The following TASOR variants were observed in gnomAD, a reference collection of about 807,000 sequenced individuals.
TASOR encodes the protein transcription activation suppressor, also known as protein TASOR.
A neutral mutation model predicts 178.6 loss-of-function variants in TASOR; 53 were observed. The ratio of observed to expected loss-of-function variants is 0.30; its 90% CI spans 0.24 to 0.37. The LOEUF is 0.37. Among genes scored for constraint, TASOR ranks in the 10% least tolerant of loss-of-function variants. The probability of loss-of-function intolerance (pLI) is 1.00; values close to 1 mark genes in which losing one functional copy is unlikely to be tolerated. For synonymous variants in TASOR, 713 were observed against 696.2 expected (o/e 1.02, Z -0.38); for missense variants, 1,815 against 1,971.4 (o/e 0.92, Z 1.50).
chr3:56,644,746 A>G (rs568883400), intron 14 of TASOR, among the ~76,000 whole-genome samples: 2 of 152,350 alleles, frequency 1.3e-5, no homozygotes, highest in African/African-American at 4.8e-5. Flanking sequence ...ACAAAGAGTA[A>G]CAACATTGCA....
chr3:56,678,966 C>G (rs549638214), intron 1 of TASOR, among the ~76,000 whole-genome samples: 2 of 146,804 alleles, frequency 1.4e-5, no homozygotes, highest in East Asian at 4.1e-4. Context: ...CAGCCGGGAT[C>G]GCAACACTGC....
At chr3:56,644,678 G>C (rs891275109) in intron 14 of TASOR, among the ~76,000 whole-genome samples, 2 of 142,538 alleles carry the variant, frequency 1.4e-5, no homozygotes, top group African/African-American at 5.3e-5. Flanking sequence ...ACATGATACT[G>C]AAACGGGTGC....
At position 56,669,786 on chromosome 3, in the gene TASOR, A is replaced by G; in HGVS notation, c.649T>C (p.Tyr217His). 6.5e-7 allele frequency: 1 copy of G among 1,542,322 alleles called. No homozygotes were observed. Among genetic ancestry groups the G allele is most frequent in the South Asian group, 1.2e-5 (1 of 81,396 alleles). Residue 217 changes from tyrosine (Y) to histidine (H), a missense_variant, in exon 5 of 24, where the codon TAT becomes CAT. Coordinates refer to ENST00000683822, the MANE Select transcript of TASOR (RefSeq NM_001365635.2). ...AATAAATCAGCATACCTAGAAAGATAGACACCTAGAAAAGACGGAAAAATT... is the reference window on the plus strand; with the variant it reads ...AATAAATCAGCATACCTAGAAAGATGGACACCTAGAAAAGACGGAAAAATT... The part of the protein sequence containing the change: ...TILGSPSMGV[Y>H]LSRYADLLQA...
At chr3:56,638,352 C>T (rs2077057452) in intron 17 of TASOR, among the ~76,000 whole-genome samples, 3 of 152,134 alleles carry the variant, frequency 2.0e-5, no homozygotes, top group Middle Eastern at 6.8e-3. Context: ...GGTGACAGAG[C>T]AAGCTTCCAT....
At chr3:56,653,262 C>CAAAAAAAAAAAAAA (rs1176419181) in intron 11 of TASOR, among the ~76,000 whole-genome samples, 2 of 4,964 alleles carry the variant, frequency 4.0e-4, no homozygotes, top group African/African-American at 5.8e-4. Context: ...GACTCCATCT[C>CAAAAAAAAAAAAAA]AAAAAAAAAA....
chr3:56,637,683 GAAAT>G (rs1162414233), intron 17 of TASOR, among the ~76,000 whole-genome samples: 1 of 151,198 alleles, frequency 6.6e-6, no homozygotes, highest in African/African-American at 2.4e-5. Flanking sequence ...ACTCCCAAAG[GAAAT>G]AAATAACTAC....
chr3:56,682,638 G>A (rs2031908956), intron 1 of TASOR, 38 bp downstream of exon 1: 3 of 1,379,930 alleles, frequency 2.2e-6, no homozygotes, highest in Non-Finnish European at 2.9e-6. Context: ...AGATGGAGGG[G>A]AGAGAGAGAG....
chr3:56,671,366 A>G (rs74560576), intron 3 of TASOR: 13,983 of 379,970 alleles, frequency 0.037, 331 homozygotes, highest in South Asian at 0.065. Flanking sequence ...TAAACAGAAA[A>G]GTATTATTAT....
At chr3:56,658,555 G>A (rs1368527782) in intron 11 of TASOR, among the ~76,000 whole-genome samples, 1 of 152,182 alleles carries the variant, frequency 6.6e-6, no homozygotes, top group Non-Finnish European at 1.5e-5. Flanking sequence ...TTGCATTGTA[G>A]TCAGGCTTTC....
Position 56,621,767 on chromosome 3 carries a change from G to A in TASOR, c.*1270C>T, listed in dbSNP as rs1040280255. 10 of 270,738 alleles carry A rather than the reference G, an allele frequency of 3.7e-5. No individual in the cohort carries two copies. Among genetic ancestry groups the A allele is most frequent in the African/African-American group, 2.4e-4 (10 of 41,324 alleles). The allele number at this position is 270,738 out of a possible 1,614,324, so 16.8% of individuals were successfully genotyped here. ...CTTGTATACTATGTAGTAAAATGCT[G>A]TACTTGTTCTATACAATAAAACAGA... On this transcript the variant is annotated 3_prime_UTR_variant, in exon 24 of 24. Coordinates refer to ENST00000683822, the MANE Select transcript of TASOR (RefSeq NM_001365635.2).
chr3:56,676,449 A>G lies in TASOR; in HGVS notation c.332-2724T>C, dbSNP rs1367723385. ...AGGACAAAAACATCTTATCTTTGTG[A>G]TAATTGTCCCCAATTAAACTGTGAA... On this transcript the variant is annotated intron_variant, in intron 1 of 23. Coordinates refer to ENST00000683822, the MANE Select transcript of TASOR (RefSeq NM_001365635.2). Among the ~76,000 whole-genome samples the G allele has an allele frequency of 5.3e-5, 8 of 152,340 alleles. No individual in the cohort carries two copies. In the East Asian group the frequency reaches 1.3e-3, roughly 26 times the overall value.
Position 56,623,212 on chromosome 3 carries a change from A to ACAT in TASOR, c.4835_4837dup (p.Asn1612_Val1613insAsp). 1.2e-6 allele frequency: 2 copies of ACAT among 1,613,590 alleles called. No individual in the cohort carries two copies. Among genetic ancestry groups the ACAT allele is most frequent in the Non-Finnish European group, 1.7e-6 (2 of 1,179,868 alleles). ...CCCCAAAAATGTCTGATGAGTGAGA[A>ACAT]CATTAAAATGACTAAACTGATGGGA... On this transcript the variant is annotated inframe_insertion, in exon 24 of 24. Transcript: ENST00000683822.
At chr3:56,626,616 G>A (rs769520685) in intron 21 of TASOR, among the ~76,000 whole-genome samples, 2 of 152,004 alleles carry the variant, frequency 1.3e-5, no homozygotes, top group Non-Finnish European at 2.9e-5. Flanking sequence ...GGTGGCGGGC[G>A]CCTGTAATCT....
At chr3:56,643,501 G>A (rs2077170351) in intron 14 of TASOR, among the ~76,000 whole-genome samples, 2 of 152,094 alleles carry the variant, frequency 1.3e-5, no homozygotes, top group Admixed American at 6.5e-5. Context: ...GGTGGCTCAC[G>A]CCTGTAATCC....
At chr3:56,654,287 G>A (rs1222801484) in intron 11 of TASOR, among the ~76,000 whole-genome samples, 2 of 150,210 alleles carry the variant, frequency 1.3e-5, no homozygotes, top group African/African-American at 4.9e-5. Flanking sequence ...AGGCAGAGAT[G>A]GTATAAGAAA....
chr3:56,641,816 A>T (rs2077130999), intron 14 of TASOR, 64 bp from the exon 15 acceptor site: 1 of 1,464,452 alleles, frequency 6.8e-7, no homozygotes, highest in Non-Finnish European at 9.2e-7. Flanking sequence ...TTTTAAAATC[A>T]AATATACCTA....
intron 18 of TASOR, 113 bp downstream of exon 18, chr3:56,632,931 C>G (rs968906678): frequency 3.3e-6 from 3 of 906,992 alleles, no homozygotes; most frequent in African/African-American, 3.4e-5. Flanking sequence ...GCCACCATTC[C>G]TGGCCTAACA....
chr3:56,653,197 A>G (rs1412038239), intron 11 of TASOR, among the ~76,000 whole-genome samples: 6 of 131,404 alleles, frequency 4.6e-5, no homozygotes, highest in African/African-American at 1.7e-4. Flanking sequence ...CGGGAGGTGG[A>G]GGTTGCAGTC....
chr3:56,624,699 T>C, intron 22 of TASOR, 56 bp from the exon 23 acceptor site: 19 of 1,554,400 alleles, frequency 1.2e-5, no homozygotes, highest in Non-Finnish European at 1.7e-5. Flanking sequence ...AGACAGCCCC[T>C]AGCCCTCACA....
Sources: allele counts gnomAD v4.1 joint callset (sites outside exome capture counted in the v4.1 genomes callset), GRCh38; gene constraint gnomAD v4.1.1; transcripts MANE v1.5; gene names NCBI Gene and HGNC (gene_info 2026-07-23, HGNC 2026-07-21).